Variants in ADGRV1 observed in about 807,000 individuals in gnomAD.
ADGRV1 encodes G-protein coupled receptor 98.
In ADGRV1, 359 loss-of-function variants were observed where a neutral mutation model predicts 596.2. That is an observed-to-expected ratio of 0.60 (90% CI 0.55 to 0.66). The LOEUF (loss-of-function observed/expected upper bound fraction) is 0.66. Ranked by LOEUF, ADGRV1 falls within the 30% of genes least tolerant of loss-of-function variation. The pLI is 0.00. For synonymous variants in ADGRV1, 2,681 were observed against 2,679.2 expected (o/e 1.00, Z -0.02); for missense variants, 7,274 against 7,575.6 (o/e 0.96, Z 1.48).
intron 43 of ADGRV1, chr5:90,718,220 G>A (rs1241903581): frequency 2.0e-5 from 3 of 152,150 alleles, no homozygotes; most frequent in Non-Finnish European, 4.4e-5. Context: ...TTTCGCATAT[G>A]TGAAATTATA....
intron 86 of ADGRV1, among the ~76,000 whole-genome samples, chr5:91,088,050 C>T (rs943092891): frequency 2.0e-5 from 3 of 152,010 alleles, no homozygotes; most frequent in Admixed American, 6.6e-5. Context: ...AAATAGCCTT[C>T]GAGAAGGCAA....
intron 85 of ADGRV1, among the ~76,000 whole-genome samples, chr5:91,032,189 G>A (rs573927686): frequency 3.4e-4 from 52 of 152,348 alleles, no homozygotes; most frequent in Non-Finnish European, 1.9e-4. Context: ...GCGGGAGCAA[G>A]CTGGGCATGT....
rs1163305474 is a variant in ADGRV1, at chr5:90,777,999, C to T, written c.12622C>T (p.Leu4208=). The part of the protein sequence containing the change: ...VGEFAETSGK[L]TMRDEQSAVI... Reference sequence around the variant, plus strand: ...GGAATTTGCTGAAACATCAGGAAAACTGACAATGCGAGACGAACAGTCTGC... The same window carrying T: ...GGAATTTGCTGAAACATCAGGAAAATTGACAATGCGAGACGAACAGTCTGC... Residue 4208 remains leucine (L), a synonymous_variant, in exon 62 of 90, where the codon CTG becomes TTG. Transcript: ENST00000405460. 6.3e-7 allele frequency: 1 copy of T among 1,599,566 alleles called. No homozygotes were observed. The highest frequency in any genetic ancestry group is 1.1e-5 in the South Asian group (1 of 88,794).
intron 85 of ADGRV1, among the ~76,000 whole-genome samples, chr5:91,070,401 A>C (rs1480202210): frequency 2.6e-5 from 4 of 152,206 alleles, no homozygotes; most frequent in Admixed American, 2.6e-4. Flanking sequence ...TCTAGTGTTT[A>C]TGGCTGTATC....
chr5:90,788,076 C>T lies in ADGRV1; in HGVS notation c.13659C>T (p.Asn4553=). 6.3e-7 allele frequency: 1 copy of T among 1,597,760 alleles called. No homozygotes were observed. Among genetic ancestry groups the T allele is most frequent in the African/African-American group, 1.3e-5 (1 of 74,520 alleles). The change falls in exon 68 of 90, where the codon AAC becomes AAT. Residue 4553 remains asparagine, a synonymous_variant. Coordinates refer to ENST00000405460, the MANE Select transcript of ADGRV1 (RefSeq NM_032119.4). ...TGGLLGEIQV[N]WETVGPNSQE... is the part of the protein sequence containing the mutation. ...AAACCAAAAACATCCCGCAGGTGAA[C>T]TGGGAGACAGTAGGACCCAACTCTC...
intron 58 of ADGRV1, 126 bp from the exon 59 acceptor site, chr5:90,763,179 A>G (rs1756691841): frequency 2.2e-6 from 2 of 893,118 alleles, no homozygotes; most frequent in Non-Finnish European, 3.1e-6. Flanking sequence ...CTGCCACATG[A>G]TAATTACATG....
chr5:91,058,266 T>C (rs1357718952), intron 85 of ADGRV1, among the ~76,000 whole-genome samples: 1 of 152,080 alleles, frequency 6.6e-6, no homozygotes, highest in East Asian at 1.9e-4. Context: ...GTGCTCAGAT[T>C]CAATGAAGGA....
At chr5:91,102,400 G>T (rs1426446557) in intron 87 of ADGRV1, 60 bp downstream of exon 87, 5 of 1,434,540 alleles carry the variant, frequency 3.5e-6, no homozygotes, top group Non-Finnish European at 3.7e-6. Context: ...ACAAGGCATA[G>T]AATTTCAATA....
intron 84 of ADGRV1, among the ~76,000 whole-genome samples, chr5:90,978,517 C>T (rs891710441): frequency 1.3e-5 from 2 of 151,798 alleles, no homozygotes; most frequent in African/African-American, 2.4e-5. Flanking sequence ...TTTGATAGCA[C>T]AACAGGGTGA....
chr5:91,036,093 G>T (rs1359166836), intron 85 of ADGRV1, among the ~76,000 whole-genome samples: 1 of 127,498 alleles, frequency 7.8e-6, no homozygotes, highest in Non-Finnish European at 1.7e-5. Context: ...TACACTAAAT[G>T]AATTCACAAT....
intron 83 of ADGRV1, among the ~76,000 whole-genome samples, chr5:90,869,193 G>T (rs537332469): frequency 7.2e-5 from 11 of 152,240 alleles, no homozygotes; most frequent in African/African-American, 2.4e-4. Flanking sequence ...AATGGAATCT[G>T]ACCTGGTTGT....
chr5:90,802,672 C>T, intron 70 of ADGRV1, 67 bp from the exon 71 acceptor site: 2 of 1,456,098 alleles, frequency 1.4e-6, no homozygotes, highest in Admixed American at 2.0e-5. Flanking sequence ...ATGCTAATGG[C>T]TCAAGTCAAA....
intron 1 of ADGRV1, among the ~76,000 whole-genome samples, chr5:90,610,543 A>C (rs776849872): frequency 5.3e-5 from 8 of 151,970 alleles, no homozygotes; most frequent in Non-Finnish European, 8.8e-5. Flanking sequence ...AGGGGAAAAT[A>C]TTAGACTGTG....
At chr5:90,710,906 T>C in intron 39 of ADGRV1, 75 bp from the exon 40 acceptor site, 1 of 825,752 alleles carries the variant, frequency 1.2e-6, no homozygotes, top group Non-Finnish European at 2.0e-6. Flanking sequence ...TCAAAGGGAC[T>C]GTCTTTAAAT....
At chr5:90,943,959 G>T (rs1379894916) in intron 83 of ADGRV1, among the ~76,000 whole-genome samples, 1 of 151,990 alleles carries the variant, frequency 6.6e-6, no homozygotes, top group African/African-American at 2.4e-5. Context: ...TGAGGTGTAG[G>T]GGGGGCACTA....
chr5:90,613,327 A>C lies in ADGRV1; in HGVS notation c.23-1508A>C, dbSNP rs1046067992. Among the ~76,000 whole-genome samples, 6 of 152,152 alleles carry C rather than the reference A, an allele frequency of 3.9e-5. No homozygotes were observed. In the South Asian group the frequency reaches 8.3e-4, roughly 21 times the overall value. ...TCATTTCCTTGCCACTATTTGTCCT[A>C]AGTGGGATGTGAAATCATTCTGGCT... On this transcript the variant is annotated intron_variant, in intron 1 of 89. Transcript: ENST00000405460.
At chr5:91,076,913 A>C (rs933796634) in intron 86 of ADGRV1, among the ~76,000 whole-genome samples, 1 of 151,914 alleles carries the variant, frequency 6.6e-6, no homozygotes, top group Non-Finnish European at 1.5e-5. Flanking sequence ...CACAACGTGC[A>C]GGTTTGTTAC....
chr5:90,960,555 A>G (rs573893795), intron 83 of ADGRV1, among the ~76,000 whole-genome samples: 35 of 152,356 alleles, frequency 2.3e-4, no homozygotes, highest in African/African-American at 7.7e-4. Flanking sequence ...AAGAAAAATT[A>G]TTACAATAAA....
intron 39 of ADGRV1, 64 bp downstream of exon 39, chr5:90,708,973 T>C: frequency 1.8e-6 from 2 of 1,101,192 alleles, no homozygotes; most frequent in Non-Finnish European, 2.8e-6. Flanking sequence ...AACTTCATTT[T>C]TGAATCAGAA....
Sources: gnomAD v4.1 joint callset for allele counts (sites outside exome capture counted in the v4.1 genomes callset) on GRCh38, gnomAD v4.1.1 for gene constraint, MANE v1.5 for transcripts, NCBI Gene and HGNC (gene_info 2026-07-23, HGNC 2026-07-21) for gene names.